ZDHHC23: variants seen among roughly 807,000 people sequenced by gnomAD.
ZDHHC23 encodes the protein palmitoyltransferase ZDHHC23.
In ZDHHC23, 41 loss-of-function variants were observed where a neutral mutation model predicts 40.2. That is an observed-to-expected ratio of 1.02 (90% CI 0.79 to 1.32). The LOEUF (loss-of-function observed/expected upper bound fraction) is 1.32, where lower values mean the gene tolerates loss of function less well. Ranked by LOEUF, ZDHHC23 falls within the 40% of genes most tolerant of loss-of-function variation. The pLI, the probability that ZDHHC23 is intolerant of heterozygous loss-of-function variation, is 0.00. For missense variants in ZDHHC23, 471 were observed against 541.5 expected (o/e 0.87, Z 1.29); for synonymous variants, 204 against 210.2 (o/e 0.97, Z 0.26).
At chr3:113,978,131 T>A in the ZDHHC23 span, 1 of 1,594,338 alleles carries the variant, frequency 6.3e-7, no homozygotes, top group Non-Finnish European at 8.6e-7. Flanking sequence ...GCAGAATATA[T>A]TGCTGAGCAA....
chr3:113,953,976 G>T lies in ZDHHC23; in HGVS notation c.438G>T (p.Leu146=), dbSNP rs1215735892. ...CCCTGTTTTTCCTGAGCCTTGGACT[G>T]TTCTCTCTGGGCTACATGTACTATG... ...EQTLFFLSLG[L]FSLGYMYYVF... The change falls in exon 3 of 5, where the codon CTG becomes CTT. Residue 146 remains leucine, a synonymous_variant. Coordinates refer to ENST00000638807, the MANE Select transcript of ZDHHC23 (RefSeq NM_001320466.2). 1 of 1,614,018 alleles carries T rather than the reference G, an allele frequency of 6.2e-7. No individual in the cohort carries two copies. Among genetic ancestry groups the T allele is most frequent in the Non-Finnish European group, 8.5e-7 (1 of 1,180,046 alleles).
chr3:113,954,408 C>G lies in ZDHHC23; in HGVS notation c.870C>G (p.Val290=), dbSNP rs1308211769. The G allele has an allele frequency of 6.3e-7, 1 of 1,578,436 alleles. No individual in the cohort carries two copies. The highest frequency in any genetic ancestry group is 8.6e-7 in the Non-Finnish European group (1 of 1,161,964). The change falls in exon 3 of 5, where the codon GTC becomes GTG. Residue 290 remains valine, a splice_region_variant and synonymous_variant. Coordinates refer to ENST00000638807, the MANE Select transcript of ZDHHC23 (RefSeq NM_001320466.2). ...ICVRRMDHHC[V]WINSCVGESN... The stretch of plus-strand genomic sequence containing the variant: ...TGAGGAGAATGGATCATCATTGTGT[C>G]TGGTATGTTGGAAACATTTGGAGAC...
At position 113,960,093 on chromosome 3, in the gene ZDHHC23, G is replaced by A. The variant is rs1939581683; in HGVS notation, c.*1463G>A. 1.0e-6 allele frequency: 1 copy of A among 988,950 alleles called. No homozygotes were observed. The highest frequency in any genetic ancestry group is 5.8e-5 in the Admixed American group (1 of 17,216). The allele number at this position is 988,950 out of a possible 1,614,324, so 61.3% of individuals were successfully genotyped here. On this transcript the variant is annotated 3_prime_UTR_variant, in exon 5 of 5. Transcript: ENST00000638807. ...GCCTTGGCTTATAGCTTAATATAGG[G>A]AAAATATTGCCAGCGTTTTCAGTCA...
In ZDHHC23 at chr3:113,959,269, A is replaced by G. The variant is rs182133925; in HGVS notation, c.*639A>G. The G allele has an allele frequency of 3.6e-4, 393 of 1,085,734 alleles. No individual in the cohort carries two copies. The highest frequency in any genetic ancestry group is 4.3e-4 in the Non-Finnish European group (379 of 881,660). The allele number at this position is 1,085,734 out of a possible 1,614,324, so 67.3% of individuals were successfully genotyped here. A position where few individuals can be genotyped will look rare whatever the true frequency, so the allele number is the denominator to read the frequency against. On this transcript the variant is annotated 3_prime_UTR_variant, in exon 5 of 5. Coordinates refer to ENST00000638807, the MANE Select transcript of ZDHHC23 (RefSeq NM_001320466.2). ...GCATATACCTTGTTGTACAGTTATG[A>G]GAATTTCTCCTTCTTATTAGACATG...
At chr3:113,978,055 C>T in the ZDHHC23 span, 3 of 955,852 alleles carry the variant, frequency 3.1e-6, no homozygotes, top group Non-Finnish European at 4.7e-6. Context: ...GCCGGGACTC[C>T]CACCCCTGAC....
At chr3:113,952,750 C>A (rs1938797891) in intron 2 of ZDHHC23, among the ~76,000 whole-genome samples, 1 of 152,232 alleles carries the variant, frequency 6.6e-6, no homozygotes, top group South Asian at 2.1e-4. Context: ...ATCAAGGCAG[C>A]AGCAGATTCA....
In ZDHHC23 at chr3:113,960,872, A is replaced by T. The variant is rs1939635250; in HGVS notation, c.*2242A>T. 1 of 1,360,742 alleles carries T rather than the reference A, an allele frequency of 7.3e-7. No individual in the cohort carries two copies. Among genetic ancestry groups the T allele is most frequent in the Non-Finnish European group, 9.7e-7 (1 of 1,030,894 alleles). The allele number at this position is 1,360,742 out of a possible 1,614,324, so 84.3% of individuals were successfully genotyped here. On this transcript the variant is annotated 3_prime_UTR_variant, in exon 5 of 5. Transcript: ENST00000638807. ...GAATGCTTAAACCTGTCAAAAGATG[A>T]GTGATCTTGTGTGGGAAAAGCCTTC...
chr3:113,956,124 C>T (rs1939204768), intron 3 of ZDHHC23, among the ~76,000 whole-genome samples: 1 of 152,134 alleles, frequency 6.6e-6, no homozygotes, highest in Non-Finnish European at 1.5e-5. Context: ...TGCCTGTAAT[C>T]CCAGCTACTT....
chr3:113,972,241 C>T, the ZDHHC23 span, among the ~76,000 whole-genome samples: 1 of 151,916 alleles, frequency 6.6e-6, no homozygotes, highest in South Asian at 2.1e-4. Flanking sequence ...GAAGTTACTG[C>T]TTTTACTATA....
chr3:113,972,262 T>A, the ZDHHC23 span, among the ~76,000 whole-genome samples: 3 of 152,116 alleles, frequency 2.0e-5, no homozygotes, highest in Admixed American at 2.0e-4. Context: ...ACCTATAGAT[T>A]TTGATCTATG....
At position 113,948,701 on chromosome 3, in the gene ZDHHC23, CAG is replaced by C. The variant is rs138085158; in HGVS notation, c.-91_-90del. 2.0e-3 allele frequency: 2,699 copies of C among 1,340,926 alleles called. 1 individual carries two copies. The highest frequency in any genetic ancestry group is 3.4e-3 in the South Asian group (246 of 73,270). 83.1% of individuals were successfully genotyped at this position (1,340,926 alleles called of 1,614,324 possible). A position where few individuals can be genotyped will look rare whatever the true frequency, so the allele number is the denominator to read the frequency against. ...GATTGCTCAGGCGTTGGAGGTTAAGCAGAGAGAGAGAGGCGTGGACCTATTTA... is the reference window on the plus strand; with the variant it reads ...GATTGCTCAGGCGTTGGAGGTTAAGCAGAGAGAGAGGCGTGGACCTATTTA... On this transcript the variant is annotated 5_prime_UTR_variant, in exon 2 of 5. Coordinates refer to ENST00000638807, the MANE Select transcript of ZDHHC23 (RefSeq NM_001320466.2).
the ZDHHC23 span, chr3:113,978,351 T>C: frequency 6.2e-7 from 1 of 1,610,514 alleles, no homozygotes; most frequent in Non-Finnish European, 8.5e-7. Context: ...AAGACAGAAA[T>C]AAAAGTGAGA....
rs377135234 is a variant in ZDHHC23 at position 113,959,086 on chromosome 3, C to T, written c.*456C>T. ...GCCTGCCCTGGCTACCTCACAGAGCCGTCATGAGGGTCACGTGAGGGAAGA... is the reference window on the plus strand; with the variant it reads ...GCCTGCCCTGGCTACCTCACAGAGCTGTCATGAGGGTCACGTGAGGGAAGA... On this transcript the variant is annotated 3_prime_UTR_variant, in exon 5 of 5. Transcript: ENST00000638807. The T allele has an allele frequency of 1.9e-5, 18 of 936,882 alleles. No homozygotes were observed. The East Asian group carries it at 9.3e-4, about 48-fold the overall frequency. The allele number at this position is 936,882 out of a possible 1,614,324, so 58.0% of individuals were successfully genotyped here.
chr3:113,964,996 T>C, downstream of ZDHHC23: 1 of 446,190 alleles, frequency 2.2e-6, no homozygotes, highest in Non-Finnish European at 3.9e-6. Context: ...CCAGGAAAAG[T>C]CAAAGAAGGG....
the ZDHHC23 span, among the ~76,000 whole-genome samples, chr3:113,974,982 G>A: frequency 2.0e-5 from 3 of 152,166 alleles, no homozygotes; most frequent in African/African-American, 4.8e-5. Flanking sequence ...ACATGTGGGT[G>A]TATTGTATAA....
chr3:113,971,958 A>T, the ZDHHC23 span, among the ~76,000 whole-genome samples: 2 of 151,978 alleles, frequency 1.3e-5, no homozygotes, highest in African/African-American at 4.8e-5. Context: ...TTTCCAGTTT[A>T]TTGATATATA....
At chr3:113,957,176 C>T (rs1207071436) in intron 4 of ZDHHC23, among the ~76,000 whole-genome samples, 3 of 152,248 alleles carry the variant, frequency 2.0e-5, no homozygotes, top group African/African-American at 7.2e-5. Flanking sequence ...TGGGGCCCCC[C>T]TCTGCCCATG....
At chr3:113,971,195 G>A in the ZDHHC23 span, among the ~76,000 whole-genome samples, 1 of 152,296 alleles carries the variant, frequency 6.6e-6, no homozygotes, top group Non-Finnish European at 1.5e-5. Flanking sequence ...GTGTAAAAGT[G>A]TTCCTATTTC....
the ZDHHC23 span, among the ~76,000 whole-genome samples, chr3:113,973,005 T>C: frequency 2.0e-5 from 3 of 152,160 alleles, no homozygotes; most frequent in African/African-American, 7.2e-5. Flanking sequence ...TCTTTATCCA[T>C]CAGCCACTCT....
Sources: gnomAD v4.1 joint callset for allele counts (sites outside exome capture counted in the v4.1 genomes callset) on GRCh38, gnomAD v4.1.1 for gene constraint, MANE v1.5 for transcripts, NCBI Gene and HGNC (gene_info 2026-07-23, HGNC 2026-07-21) for gene names.